STEAP1B: variants seen among roughly 807,000 people sequenced by gnomAD.
STEAP1B encodes the protein STEAP family member 1B, also known as STEAP family protein MGC87042.
A neutral mutation model predicts 27.9 loss-of-function variants in STEAP1B; 13 were observed. That is an observed-to-expected ratio of 0.47 (90% CI 0.30 to 0.74). The LOEUF (loss-of-function observed/expected upper bound fraction) is 0.74. Among genes scored for constraint, STEAP1B ranks in the 30% least tolerant of loss-of-function variants. The probability of loss-of-function intolerance (pLI) is 0.06; values close to 1 mark genes in which losing one functional copy is unlikely to be tolerated. For synonymous variants in STEAP1B, 86 were observed against 107.1 expected (o/e 0.80, Z 1.22); for missense variants, 250 against 298.7 (o/e 0.84, Z 1.20).
chr7:22,484,398 C>T (rs1786138460), intron 4 of STEAP1B, among the ~76,000 whole-genome samples: 1 of 152,188 alleles, frequency 6.6e-6, no homozygotes, highest in Non-Finnish European at 1.5e-5. Flanking sequence ...AGACATGGCA[C>T]AAAACCTGGA....
intron 4 of STEAP1B, among the ~76,000 whole-genome samples, chr7:22,469,187 G>A (rs2128410266): frequency 6.6e-6 from 1 of 152,128 alleles, no homozygotes; most frequent in East Asian, 1.9e-4. Context: ...AGGCCTATGT[G>A]TATGTTTGTA....
chr7:22,457,714 G>T (rs1562574049), intron 4 of STEAP1B, among the ~76,000 whole-genome samples: 1 of 152,252 alleles, frequency 6.6e-6, no homozygotes. Flanking sequence ...GTTGCTGGAA[G>T]GGCTTGGGCC....
At chr7:22,494,429 C>CTTTTTTTT in intron 2 of STEAP1B, among the ~76,000 whole-genome samples, 1 of 145,754 alleles carries the variant, frequency 6.9e-6, no homozygotes. Context: ...GCATTGATGA[C>CTTTTTTTT]TTTTTTTTTT....
At chr7:22,477,700 G>A (rs1449150297) in intron 4 of STEAP1B, among the ~76,000 whole-genome samples, 4 of 151,038 alleles carry the variant, frequency 2.6e-5, no homozygotes, top group Non-Finnish European at 2.9e-5. Context: ...GCAAAATTTT[G>A]TCTACATAGT....
intron 4 of STEAP1B, among the ~76,000 whole-genome samples, chr7:22,454,869 T>A (rs962385217): frequency 0.19 from 10,280 of 53,602 alleles, 470 homozygotes; most frequent in Non-Finnish European, 0.27. Context: ...ATATATATTT[T>A]TTTTTTTTTT....
In STEAP1B at chr7:22,434,271, T is replaced by C. The variant is rs184023764; in HGVS notation, c.763-14435A>G. Among the ~76,000 whole-genome samples the C allele has an allele frequency of 1.3e-3, 191 of 152,248 alleles. 1 individual carries two copies. The highest frequency in any genetic ancestry group is 4.6e-3 in the African/African-American group (190 of 41,556). ...TCTGTACCGCCTTCCTTGGGAAGGA[T>C]AGGACACCTGTGGCCATCAAGTCAT... is the stretch of plus-strand genomic sequence containing the variant. On this transcript the variant is annotated intron_variant, in intron 4 of 4. Transcript: ENST00000678116.
At chr7:22,494,571 G>A (rs1786405150) in intron 2 of STEAP1B, among the ~76,000 whole-genome samples, 3 of 152,038 alleles carry the variant, frequency 2.0e-5, no homozygotes, top group African/African-American at 7.2e-5. Context: ...ATTCAGCTAA[G>A]TCCCTGACAA....
chr7:22,438,914 T>C (rs1423977364), intron 4 of STEAP1B, among the ~76,000 whole-genome samples: 1 of 152,206 alleles, frequency 6.6e-6, no homozygotes, highest in Non-Finnish European at 1.5e-5. Flanking sequence ...CATTTTTATT[T>C]GGTAATAAAT....
chr7:22,492,386 T>C (rs1253730992), intron 4 of STEAP1B, 179 bp downstream of exon 4: 5 of 613,072 alleles, frequency 8.2e-6, no homozygotes, highest in African/African-American at 2.0e-5. Context: ...TAGGAAACAC[T>C]TGTCCTAATT....
intron 4 of STEAP1B, among the ~76,000 whole-genome samples, chr7:22,454,870 T>A (rs1211924986): frequency 0.2 from 14,207 of 69,922 alleles, 1,031 homozygotes; most frequent in East Asian, 0.56. Flanking sequence ...TATATATTTT[T>A]TTTTTTTTTT....
intron 4 of STEAP1B, among the ~76,000 whole-genome samples, chr7:22,427,104 A>G (rs1785118617): frequency 6.6e-6 from 1 of 152,222 alleles, no homozygotes; most frequent in African/African-American, 2.4e-5. Context: ...GGTCACAGAG[A>G]CAGCAGAGGC....
At chr7:22,431,478 C>A (rs1048137508) in intron 4 of STEAP1B, among the ~76,000 whole-genome samples, 1 of 152,122 alleles carries the variant, frequency 6.6e-6, no homozygotes. Context: ...TGTGGCCTGG[C>A]GATGAAGTAT....
intron 4 of STEAP1B, among the ~76,000 whole-genome samples, chr7:22,460,959 C>T (rs1339978709): frequency 2.0e-5 from 3 of 152,104 alleles, no homozygotes; most frequent in Admixed American, 1.3e-4. Context: ...TATCACAGAG[C>T]GTATGTTAAA....
At chr7:22,480,894 G>T (rs1457402626) in intron 4 of STEAP1B, among the ~76,000 whole-genome samples, 1 of 152,238 alleles carries the variant, frequency 6.6e-6, no homozygotes, top group Non-Finnish European at 1.5e-5. Context: ...CGCAGGTCCA[G>T]CTCTCTGTCC....
intron 4 of STEAP1B, among the ~76,000 whole-genome samples, chr7:22,434,764 A>G (rs1785233866): frequency 6.6e-6 from 1 of 152,248 alleles, no homozygotes; most frequent in Non-Finnish European, 1.5e-5. Context: ...ATTATATAAT[A>G]AGTTCTACAA....
At chr7:22,460,155 G>A (rs569082839) in intron 4 of STEAP1B, among the ~76,000 whole-genome samples, 4 of 151,890 alleles carry the variant, frequency 2.6e-5, no homozygotes, top group African/African-American at 7.2e-5. Context: ...ACAAAAAAAC[G>A]TTTTAAAAAG....
chr7:22,487,805 A>C (rs1191547888), intron 4 of STEAP1B, among the ~76,000 whole-genome samples: 261 of 94,810 alleles, frequency 2.8e-3, no homozygotes, highest in African/African-American at 8.6e-3. Context: ...AACTCCACCC[A>C]AAAAAAAAAA....
At chr7:22,492,420 G>A (rs972893774) in intron 4 of STEAP1B, 145 bp downstream of exon 4, 5 of 1,199,082 alleles carry the variant, frequency 4.2e-6, no homozygotes, top group Admixed American at 3.6e-5. Context: ...AAAACAACAG[G>A]AGAGCACATT....
At chr7:22,435,723 C>T (rs766332486) in intron 4 of STEAP1B, among the ~76,000 whole-genome samples, 8 of 152,164 alleles carry the variant, frequency 5.3e-5, no homozygotes, top group Non-Finnish European at 8.8e-5. Flanking sequence ...CACCTGTGCA[C>T]GATACGCACC....
Sources: gnomAD v4.1 joint callset for allele counts (sites outside exome capture counted in the v4.1 genomes callset) on GRCh38, gnomAD v4.1.1 for gene constraint, MANE v1.5 for transcripts, NCBI Gene and HGNC (gene_info 2026-07-23, HGNC 2026-07-21) for gene names.